SEH1L: variants seen among roughly 807,000 people sequenced by gnomAD.
SEH1L encodes the protein nucleoporin SEH1.
In SEH1L, 18 loss-of-function variants were observed where a neutral mutation model predicts 49.5. The ratio of observed to expected loss-of-function variants is 0.36; its 90% CI spans 0.25 to 0.54. SEH1L has a LOEUF of 0.54. SEH1L is among the 20% of genes least tolerant of loss of function. SEH1L has a pLI of 0.87. For missense variants in SEH1L, 404 were observed against 528.8 expected (o/e 0.76, Z 2.31); for synonymous variants, 169 against 178.1 (o/e 0.95, Z 0.41).
At chr18:12,960,442 G>T (rs570549327) in intron 3 of SEH1L, among the ~76,000 whole-genome samples, 2 of 152,290 alleles carry the variant, frequency 1.3e-5, no homozygotes, top group South Asian at 2.1e-4. Context: ...ATATATGGAG[G>T]ATTGCATTCT....
At chr18:12,974,882 C>G (rs1194238620) in intron 5 of SEH1L, among the ~76,000 whole-genome samples, 11 of 152,198 alleles carry the variant, frequency 7.2e-5, no homozygotes, top group Non-Finnish European at 7.3e-5. Flanking sequence ...GAGTCAGGAC[C>G]AGAAACAAAG....
chr18:12,969,381 C>A (rs1026012110), intron 4 of SEH1L, among the ~76,000 whole-genome samples: 1 of 151,500 alleles, frequency 6.6e-6, no homozygotes, highest in South Asian at 2.1e-4. Context: ...TAGTGAGACT[C>A]CAGTCTCAAT....
At chr18:12,966,429 C>T (rs763053880) in intron 4 of SEH1L, among the ~76,000 whole-genome samples, 4 of 149,980 alleles carry the variant, frequency 2.7e-5, no homozygotes, top group Admixed American at 1.3e-4. Flanking sequence ...TATTTGTTTT[C>T]GAGACACGTG....
chr18:12,956,049 CTTTT>C (rs869047416), intron 3 of SEH1L, among the ~76,000 whole-genome samples: 2 of 133,950 alleles, frequency 1.5e-5, no homozygotes, highest in East Asian at 4.3e-4. Context: ...TAATAAAATT[CTTTT>C]TTTTTTTTTT....
chr18:12,948,270 G>C (rs553306884), intron 1 of SEH1L, 38 bp downstream of exon 1: 2 of 1,477,564 alleles, frequency 1.4e-6, no homozygotes, highest in Admixed American at 3.4e-5. Context: ...GACCCCGGAA[G>C]GAAGGAAGGG....
intron 3 of SEH1L, among the ~76,000 whole-genome samples, chr18:12,956,182 C>T (rs2030845951): frequency 6.6e-6 from 1 of 151,818 alleles, no homozygotes; most frequent in East Asian, 1.9e-4. Context: ...GTAGCTGGGA[C>T]TACAGGCGCC....
At chr18:12,950,055 G>A (rs2030424401) in intron 1 of SEH1L, among the ~76,000 whole-genome samples, 1 of 148,628 alleles carries the variant, frequency 6.7e-6, no homozygotes, top group African/African-American at 2.5e-5. Flanking sequence ...TTTTTTTGAG[G>A]CAGAGTCTGG....
intron 8 of SEH1L, chr18:12,984,917 A>C (rs181470652): frequency 3.1e-4 from 66 of 212,780 alleles, no homozygotes; most frequent in African/African-American, 1.4e-3. Context: ...TAAAAGAAGA[A>C]AATTGTATTT....
At chr18:12,979,946 G>A (rs1360146454) in intron 6 of SEH1L, among the ~76,000 whole-genome samples, 2 of 134,974 alleles carry the variant, frequency 1.5e-5, no homozygotes, top group East Asian at 2.5e-4. Flanking sequence ...CAGTAGGGGC[G>A]GCCGGGCAGA....
At chr18:12,979,877 AC>A (rs1347858972) in intron 6 of SEH1L, among the ~76,000 whole-genome samples, 1 of 130,792 alleles carries the variant, frequency 7.6e-6, no homozygotes. Flanking sequence ...CGGGGGGCTG[AC>A]CCCCCCACCT....
chr18:12,976,793 T>A (rs1279448233), intron 5 of SEH1L: 3 of 151,700 alleles, frequency 2.0e-5, no homozygotes, highest in African/African-American at 7.3e-5. Flanking sequence ...TGAAACCCTG[T>A]CTCTACTAAA....
chr18:12,959,509 T>G (rs1278968402), intron 3 of SEH1L, among the ~76,000 whole-genome samples: 1 of 152,358 alleles, frequency 6.6e-6, no homozygotes, highest in African/African-American at 2.4e-5. Flanking sequence ...TCCAAAAACT[T>G]GAAATTCGGT....
At chr18:12,955,126 A>G (rs1008672875) in intron 2 of SEH1L, among the ~76,000 whole-genome samples, 4 of 151,654 alleles carry the variant, frequency 2.6e-5, no homozygotes, top group African/African-American at 9.7e-5. Context: ...AAGGTTGGTT[A>G]CGCTAAACTC....
At chr18:12,954,832 A>C (rs1348548450) in intron 2 of SEH1L, among the ~76,000 whole-genome samples, 2 of 152,218 alleles carry the variant, frequency 1.3e-5, no homozygotes, top group Non-Finnish European at 2.9e-5. Context: ...ATGTGCACCC[A>C]TTTAAAGTGT....
rs758908748 is a variant in SEH1L at position 12,978,785 on chromosome 18, C to T, written c.654C>T (p.Val218=). The stretch of plus-strand genomic sequence containing the variant: ...CAAAAGCTGAAACTCTTATGACAGT[C>T]ACTGATCCTGTTCATGATATTGCAT... The part of the protein sequence containing the change: ...KYAKAETLMT[V]TDPVHDIAFA... The change falls in exon 6 of 9, where the codon GTC becomes GTT. Residue 218 remains valine (V), a synonymous_variant. Coordinates refer to ENST00000399892, the MANE Select transcript of SEH1L (RefSeq NM_001013437.2). 5 of 1,613,258 alleles carry T rather than the reference C, an allele frequency of 3.1e-6. No individual in the cohort carries two copies. Among genetic ancestry groups the T allele is most frequent in the Non-Finnish European group, 3.4e-6 (4 of 1,179,286 alleles).
chr18:12,957,611 G>A (rs1341109200), intron 3 of SEH1L, among the ~76,000 whole-genome samples: 1 of 152,150 alleles, frequency 6.6e-6, no homozygotes, highest in African/African-American at 2.4e-5. Flanking sequence ...TTCATATGAA[G>A]GTATTATCAT....
chr18:12,980,012 A>C (rs1421571262), intron 6 of SEH1L, among the ~76,000 whole-genome samples: 6 of 105,242 alleles, frequency 5.7e-5, no homozygotes, highest in Non-Finnish European at 7.7e-5. Context: ...TGACCCCCCC[A>C]CCTCCCTCCC....
In SEH1L at chr18:12,963,147, A is replaced by ATT; in HGVS notation, c.310-4_310-3dup. 9 of 1,455,022 alleles carry ATT rather than the reference A, an allele frequency of 6.2e-6. No homozygotes were observed. The highest frequency in any genetic ancestry group is 1.8e-4 in the Middle Eastern group (1 of 5,600). 90.1% of individuals were successfully genotyped at this position (1,455,022 alleles called of 1,614,324 possible). A position where few individuals can be genotyped will look rare whatever the true frequency, so the allele number is the denominator to read the frequency against. On this transcript the variant is annotated splice_polypyrimidine_tract_variant and intron_variant, in intron 3 of 8. Coordinates refer to ENST00000399892, the MANE Select transcript of SEH1L (RefSeq NM_001013437.2). ...TTTGTATATAATTTAAATTGTTATT[A>ATT]TTTTTTTTTTAGGTTAAAAGGACAA... is the stretch of plus-strand genomic sequence containing the variant.
chr18:12,957,030 T>G (rs1202718081), intron 3 of SEH1L, among the ~76,000 whole-genome samples: 1 of 150,638 alleles, frequency 6.6e-6, no homozygotes, highest in Admixed American at 6.6e-5. Flanking sequence ...ATCACGCCAC[T>G]GCACTCCAGC....
Sources: allele counts gnomAD v4.1 joint callset (sites outside exome capture counted in the v4.1 genomes callset), GRCh38; gene constraint gnomAD v4.1.1; transcripts MANE v1.5; gene names NCBI Gene and HGNC (gene_info 2026-07-23, HGNC 2026-07-21).